Variants in ALDH3A2 observed in about 807,000 individuals in gnomAD.
ALDH3A2 encodes aldehyde dehydrogenase 3 family member A2.
In ALDH3A2, 36 loss-of-function variants were observed where a neutral mutation model predicts 51.3. That is an observed-to-expected ratio of 0.70 (90% CI 0.54 to 0.93). The LOEUF is 0.93. Ranked by LOEUF, ALDH3A2 falls within the 40% of genes least tolerant of loss-of-function variation. The pLI, the probability that ALDH3A2 is intolerant of heterozygous loss-of-function variation, is 0.00. For synonymous variants in ALDH3A2, 199 were observed against 219.8 expected (o/e 0.91, Z 0.84); for missense variants, 552 against 603.1 (o/e 0.92, Z 0.89).
At chr17:19,651,464 G>C in intron 1 of ALDH3A2, 83 bp from the exon 2 acceptor site, 1 of 1,142,134 alleles carries the variant, frequency 8.8e-7, no homozygotes, top group South Asian at 1.2e-5. Context: ...CACTACAGGT[G>C]TACCTGGTGT....
intron 2 of ALDH3A2, among the ~76,000 whole-genome samples, chr17:19,652,298 G>C (rs1036993321): frequency 3.9e-5 from 6 of 152,210 alleles, no homozygotes; most frequent in African/African-American, 1.2e-4. Flanking sequence ...GGAGAAAAGC[G>C]ATAGAAAGCT....
At chr17:19,648,672 G>C (rs906854214), upstream of ALDH3A2, 1 of 472,150 alleles carries the variant, frequency 2.1e-6, no homozygotes, top group Non-Finnish European at 3.9e-6. Flanking sequence ...GAGGGCGGGG[G>C]CCGCGTGGGC....
At chr17:19,662,318 G>A (rs2084976632) in intron 6 of ALDH3A2, among the ~76,000 whole-genome samples, 1 of 152,206 alleles carries the variant, frequency 6.6e-6, no homozygotes, top group Non-Finnish European at 1.5e-5. Flanking sequence ...TCTCTGACCT[G>A]AGGAAGATGT....
chr17:19,673,263 T>G (rs750804784), intron 9 of ALDH3A2: 1 of 1,614,146 alleles, frequency 6.2e-7, no homozygotes, highest in Non-Finnish European at 8.5e-7. Context: ...CAGCCCTGTC[T>G]GTTAAGAGTG....
rs1310040817 is a variant in ALDH3A2 at position 19,654,323 on chromosome 17, C to A, written c.471+1691C>A. Among the ~76,000 whole-genome samples the A allele has an allele frequency of 6.6e-6, 1 of 152,258 alleles. No homozygotes were observed. On this transcript the variant is annotated intron_variant, in intron 3 of 9. Coordinates refer to ENST00000176643, the MANE Select transcript of ALDH3A2 (RefSeq NM_000382.3). This position sits in a 1 kb window ranked among gnomAD's most constrained non-coding sequence, Gnocchi z 4.5. The stretch of plus-strand genomic sequence containing the variant: ...AGCGCTGCGCGCCTGCACCCCTCAG[C>A]CCTTGGGCGGTCGATGGGACTGGGC...
chr17:19,666,162 T>G (rs1264673442), intron 8 of ALDH3A2, among the ~76,000 whole-genome samples: 1 of 151,680 alleles, frequency 6.6e-6, no homozygotes, highest in Non-Finnish European at 1.5e-5. Flanking sequence ...GGGGGTATTT[T>G]TGGGATCAAG....
At chr17:19,671,029 C>T (rs2085106127) in intron 8 of ALDH3A2, among the ~76,000 whole-genome samples, 1 of 152,220 alleles carries the variant, frequency 6.6e-6, no homozygotes, top group African/African-American at 2.4e-5. Flanking sequence ...ACATGCCATT[C>T]CCTCTGCCCA....
intron 5 of ALDH3A2, 115 bp from the exon 6 acceptor site, chr17:19,661,012 A>T: frequency 9.7e-7 from 1 of 1,033,404 alleles, no homozygotes; most frequent in Non-Finnish European, 1.5e-6. Flanking sequence ...GTGGGGTGTT[A>T]GATTCTGTGA....
In ALDH3A2 at chr17:19,648,859, A is replaced by C. The variant is rs2084771654; in HGVS notation, c.-113A>C. The C allele has an allele frequency of 7.2e-7, 1 of 1,383,688 alleles. No homozygotes were observed. Among genetic ancestry groups the C allele is most frequent in the Non-Finnish European group, 9.8e-7 (1 of 1,015,258 alleles). 85.7% of individuals were successfully genotyped at this position (1,383,688 alleles called of 1,614,324 possible). ...AATTGTGGCTGTGGGTTGACGGTGGAGACACCCCCCGGAGGGAGGCGGAGG... is the reference window on the plus strand; with the variant it reads ...AATTGTGGCTGTGGGTTGACGGTGGCGACACCCCCCGGAGGGAGGCGGAGG... On this transcript the variant is annotated 5_prime_UTR_variant, in exon 1 of 10. Coordinates refer to ENST00000176643, the MANE Select transcript of ALDH3A2 (RefSeq NM_000382.3).
Position 19,666,778 on chromosome 17 carries a change from AAAATAAATAAATAAAT to A in ALDH3A2, c.1207+1755_1207+1770del, listed in dbSNP as rs150864433. The stretch of plus-strand genomic sequence containing the variant: ...GCAAACAGAGCGAGACTCCGATCTC[AAAATAAATAAATAAAT>A]AAATAAATAAATAAATAAATAAAAA... On this transcript the variant is annotated intron_variant, in intron 8 of 9. Coordinates refer to ENST00000176643, the MANE Select transcript of ALDH3A2 (RefSeq NM_000382.3). Among the ~76,000 whole-genome samples, 17 of 143,908 alleles carry A rather than the reference AAAATAAATAAATAAAT, an allele frequency of 1.2e-4. No homozygotes were observed. The East Asian group carries it at 1.4e-3, about 12-fold the overall frequency. 94.4% of individuals were successfully genotyped at this position (143,908 alleles called of 152,430 possible). A position where few individuals can be genotyped will look rare whatever the true frequency, so the allele number is the denominator to read the frequency against.
chr17:19,672,581 A>C (rs1464225464), intron 9 of ALDH3A2: 1 of 175,980 alleles, frequency 5.7e-6, no homozygotes, highest in Non-Finnish European at 1.2e-5. Flanking sequence ...GTATTTTGAG[A>C]TGAAAGAGGA....
chr17:19,657,798 A>C lies in ALDH3A2; in HGVS notation c.734A>C (p.Asp245Ala), dbSNP rs2152328756. 1 of 1,614,136 alleles carries C rather than the reference A, an allele frequency of 6.2e-7. No homozygotes were observed. The highest frequency in any genetic ancestry group is 8.5e-7 in the Non-Finnish European group (1 of 1,179,988). Residue 245 changes from aspartate to alanine, a missense_variant, in exon 5 of 10, where the codon GAC becomes GCC. Asp to Ala is a moderately radical substitution (Grantham distance 126). Coordinates refer to ENST00000176643, the MANE Select transcript of ALDH3A2 (RefSeq NM_000382.3). Reference protein sequence around the residue: ...MNCGQTCIAPDYILCEASLQN... With the variant: ...MNCGQTCIAPAYILCEASLQN... ...TGTGGCCAAACCTGCATTGCACCCG[A>C]CTATATTCTCTGTGAAGCATCCCTC...
chr17:19,657,972 T>C, intron 5 of ALDH3A2, 110 bp downstream of exon 5: 1 of 852,240 alleles, frequency 1.2e-6, no homozygotes, highest in Non-Finnish European at 1.9e-6. Flanking sequence ...AATTTCAAAA[T>C]CATATGTGAC....
At chr17:19,653,830 C>G (rs1197755079) in intron 3 of ALDH3A2, among the ~76,000 whole-genome samples, 4 of 152,224 alleles carry the variant, frequency 2.6e-5, no homozygotes, top group African/African-American at 9.6e-5. Flanking sequence ...CTGGCCCCAC[C>G]CGCATCCTGC....
intron 1 of ALDH3A2, among the ~76,000 whole-genome samples, chr17:19,651,015 G>A (rs1225419584): frequency 1.3e-5 from 2 of 152,172 alleles, no homozygotes; most frequent in Non-Finnish European, 2.9e-5. Context: ...CTAAATGTTT[G>A]TGTGAGTATG....
chr17:19,676,838 TAA>T lies in ALDH3A2; in HGVS notation c.*1268_*1269del. ...CCCTTTCTGATTAGCCTACAGAACT[TAA>T]AGTGAGGGAACCATTTCCTCTCACA... On this transcript the variant is annotated 3_prime_UTR_variant, in exon 10 of 10. Coordinates refer to ENST00000176643, the MANE Select transcript of ALDH3A2 (RefSeq NM_000382.3). The T allele has an allele frequency of 6.6e-6, 1 of 152,274 alleles. No homozygotes were observed. The highest frequency in any genetic ancestry group is 3.4e-3 in the Middle Eastern group (1 of 294). 9.4% of individuals were successfully genotyped at this position (152,274 alleles called of 1,614,324 possible). A position where few individuals can be genotyped will look rare whatever the true frequency, so the allele number is the denominator to read the frequency against.
Position 19,671,839 on chromosome 17 carries a change from C to T in ALDH3A2, c.1326C>T (p.Pro442=). Residue 442 remains proline (P), a synonymous_variant, in exon 9 of 10, where the codon CCC becomes CCT. Transcript: ENST00000176643. The part of the protein sequence containing the change: ...REGANKLRYP[P]NSQSKVDWGK... ...GTGCTAACAAACTCAGATATCCTCC[C>T]AACAGCCAGTCAAAGGTGGATTGGG... The T allele has an allele frequency of 6.2e-7, 1 of 1,614,132 alleles. No homozygotes were observed. The highest frequency in any genetic ancestry group is 8.5e-7 in the Non-Finnish European group (1 of 1,180,004).
chr17:19,675,767 A>C lies in ALDH3A2; in HGVS notation c.*195A>C. The C allele has an allele frequency of 1.6e-6, 1 of 643,354 alleles. No homozygotes were observed. The highest frequency in any genetic ancestry group is 2.7e-6 in the Non-Finnish European group (1 of 365,476). The allele number at this position is 643,354 out of a possible 1,614,324, so 39.9% of individuals were successfully genotyped here. A position where few individuals can be genotyped will look rare whatever the true frequency, so the allele number is the denominator to read the frequency against. On this transcript the variant is annotated 3_prime_UTR_variant, in exon 10 of 10. Transcript: ENST00000176643. ...CAACTACGTCCCAACATTCCCTAAT[A>C]GGGTATTCAGGGAACCTGTCTTAAA...
chr17:19,655,903 A>C (rs1296179356), intron 3 of ALDH3A2, among the ~76,000 whole-genome samples: 1 of 152,246 alleles, frequency 6.6e-6, no homozygotes, highest in Non-Finnish European at 1.5e-5. Flanking sequence ...CTTCAAAAGC[A>C]AGCGCTCTCA....
Sources: gnomAD v4.1 joint callset for allele counts (sites outside exome capture counted in the v4.1 genomes callset) on GRCh38, gnomAD v4.1.1 for gene constraint, Gnocchi (gnomAD v3.1) non-coding constraint, MANE v1.5 for transcripts, NCBI Gene and HGNC (gene_info 2026-07-23, HGNC 2026-07-21) for gene names.